Variants in ITPR1 observed in about 807,000 individuals in gnomAD.
ITPR1 encodes the protein inositol 1,4,5-trisphosphate-gated calcium channel ITPR1.
A neutral mutation model predicts 318.4 loss-of-function variants in ITPR1; 96 were observed. That is an observed-to-expected ratio of 0.30 (90% CI 0.26 to 0.36). ITPR1 has a LOEUF of 0.36. ITPR1 is among the 10% of genes least tolerant of loss of function. ITPR1 has a pLI of 1.00. For missense variants in ITPR1, 2,440 were observed against 3,460.2 expected, an observed-to-expected ratio of 0.71 and a Z score of 7.40; for synonymous variants, 1,312 against 1,289.9, an observed-to-expected ratio of 1.02 and a Z score of -0.37.
intron 21 of ITPR1, among the ~76,000 whole-genome samples, 195 bp downstream of exon 21, chr3:4,673,582 T>C (rs1484575568): frequency 2.8e-5 from 2 of 71,026 alleles, no homozygotes; most frequent in Non-Finnish European, 6.0e-5. Flanking sequence ...TTGGTTTTTG[T>C]TTGTTTGTTT....
chr3:4,703,911 A>G (rs2125268531), intron 36 of ITPR1, among the ~76,000 whole-genome samples: 1 of 152,296 alleles, frequency 6.6e-6, no homozygotes, highest in Middle Eastern at 3.4e-3. Flanking sequence ...TATCTTAGAA[A>G]CAGGGCCCTG....
At chr3:4,675,490 A>G (rs186569599) in intron 23 of ITPR1, among the ~76,000 whole-genome samples, 66 of 152,268 alleles carry the variant, frequency 4.3e-4, no homozygotes, top group African/African-American at 1.6e-3. Context: ...TTTTGTATTT[A>G]TGTGTATTTA....
chr3:4,709,860 A>T (rs1304148528), intron 37 of ITPR1, among the ~76,000 whole-genome samples: 1 of 152,264 alleles, frequency 6.6e-6, no homozygotes, highest in Non-Finnish European at 1.5e-5. Context: ...ATATAGAAGA[A>T]AATCAGAATC....
chr3:4,673,758 AT>A (rs1229185462), intron 21 of ITPR1, among the ~76,000 whole-genome samples: 1 of 151,924 alleles, frequency 6.6e-6, no homozygotes, highest in Non-Finnish European at 1.5e-5. Flanking sequence ...AATTTTTTGT[AT>A]TTTTAGTAGG....
intron 4 of ITPR1, among the ~76,000 whole-genome samples, chr3:4,593,930 A>G (rs562883345): frequency 3.9e-5 from 6 of 152,314 alleles, no homozygotes; most frequent in African/African-American, 1.4e-4. Context: ...GAGATGATCA[A>G]CAGTGTTTCT....
chr3:4,772,486 A>T (rs1408749553), intron 46 of ITPR1, among the ~76,000 whole-genome samples: 1 of 152,254 alleles, frequency 6.6e-6, no homozygotes, highest in East Asian at 1.9e-4. Context: ...CAGAAATGTG[A>T]TGGGAAAAAC....
At chr3:4,744,610 G>A (rs567732363) in intron 44 of ITPR1, among the ~76,000 whole-genome samples, 3 of 152,314 alleles carry the variant, frequency 2.0e-5, no homozygotes, top group East Asian at 3.9e-4. Context: ...GACCCTCAGC[G>A]TGTGAAATGT....
At chr3:4,812,936 C>A (rs985089024) in intron 56 of ITPR1, 5 of 585,734 alleles carry the variant, frequency 8.5e-6, no homozygotes, top group African/African-American at 1.9e-5. Flanking sequence ...TTCTAGTAAG[C>A]CTACAGGAAT....
Position 4,813,823 on chromosome 3 carries a change from G to T in ITPR1, c.7561+589G>T, listed in dbSNP as rs184247249. Among the ~76,000 whole-genome samples, 81 of 152,334 alleles carry T rather than the reference G, an allele frequency of 5.3e-4. 3 individuals are homozygous for T. In the South Asian group the frequency reaches 0.016, roughly 31 times the overall value. On this transcript the variant is annotated intron_variant, in intron 57 of 61. Transcript: ENST00000649015. ...TGTCAGGCGTAGGAGGTTAAACTTC[G>T]TCCAGAGGATGGTCAGGGGTTGTTG...
chr3:4,767,757 G>A (rs911462335), intron 45 of ITPR1, among the ~76,000 whole-genome samples: 63 of 152,306 alleles, frequency 4.1e-4, no homozygotes, highest in African/African-American at 1.5e-3. Flanking sequence ...AAAACTTCTG[G>A]CCTCAAGTGA....
chr3:4,662,933 T>C (rs535800842), intron 15 of ITPR1, 132 bp from the exon 16 acceptor site: 1 of 673,868 alleles, frequency 1.5e-6, no homozygotes, highest in South Asian at 2.3e-5. Context: ...CTGTTGTCAG[T>C]TTCAAAGAAA....
At chr3:4,786,058 T>A (rs1281788122) in intron 51 of ITPR1, among the ~76,000 whole-genome samples, 1 of 152,200 alleles carries the variant, frequency 6.6e-6, no homozygotes, top group African/African-American at 2.4e-5. Context: ...TAGAACTCAG[T>A]TCTTGCCAGG....
At chr3:4,796,322 G>C (rs2047896659) in intron 53 of ITPR1, among the ~76,000 whole-genome samples, 1 of 151,560 alleles carries the variant, frequency 6.6e-6, no homozygotes, top group Admixed American at 6.6e-5. Context: ...TGTCATGTCA[G>C]GAAACATGAA....
At chr3:4,617,187 C>G (rs901629447) in intron 4 of ITPR1, among the ~76,000 whole-genome samples, 1 of 152,128 alleles carries the variant, frequency 6.6e-6, no homozygotes, top group East Asian at 1.9e-4. Flanking sequence ...TTCTCTGTCC[C>G]CATTGATACT....
intron 24 of ITPR1, among the ~76,000 whole-genome samples, chr3:4,679,311 G>C (rs796696630): frequency 3.3e-5 from 5 of 152,310 alleles, no homozygotes; most frequent in African/African-American, 9.6e-5. Flanking sequence ...TTTATTATGG[G>C]AATTGGCCTC....
intron 54 of ITPR1, among the ~76,000 whole-genome samples, chr3:4,801,580 A>G (rs1360745450): frequency 1.3e-5 from 2 of 152,150 alleles, no homozygotes; most frequent in African/African-American, 4.8e-5. Context: ...CCTGGCTAAC[A>G]TGGCAGAACC....
chr3:4,824,552 G>A (rs900054095), intron 60 of ITPR1, among the ~76,000 whole-genome samples: 5 of 152,092 alleles, frequency 3.3e-5, no homozygotes, highest in Non-Finnish European at 5.9e-5. Context: ...GCTGGCTGGC[G>A]GCATCTGGTT....
intron 4 of ITPR1, among the ~76,000 whole-genome samples, chr3:4,543,645 G>C (rs905100306): frequency 6.6e-6 from 1 of 152,136 alleles, no homozygotes; most frequent in African/African-American, 2.4e-5. Flanking sequence ...GTTTCACCCT[G>C]TTGGCCAGGC....
chr3:4,772,601 G>C (rs1250867094), intron 46 of ITPR1, among the ~76,000 whole-genome samples: 4 of 152,224 alleles, frequency 2.6e-5, no homozygotes, highest in Admixed American at 6.5e-5. Context: ...TTCCACCAAA[G>C]TCTGTCTAAG....
Sources: gnomAD v4.1 joint callset for allele counts (sites outside exome capture counted in the v4.1 genomes callset) on GRCh38, gnomAD v4.1.1 for gene constraint, MANE v1.5 for transcripts, NCBI Gene and HGNC (gene_info 2026-07-23, HGNC 2026-07-21) for gene names.